Variants in ARMH3 observed in about 807,000 individuals in gnomAD.
The protein encoded by ARMH3 is armadillo like helical domain containing 3.
Under a neutral mutation model 99.1 loss-of-function variants are expected in ARMH3, and 60 were observed. That is an observed-to-expected ratio of 0.61 (90% CI 0.49 to 0.75). The LOEUF (loss-of-function observed/expected upper bound fraction) is 0.75. Among genes scored for constraint, ARMH3 ranks in the 30% least tolerant of loss-of-function variants. The pLI, the probability that ARMH3 is intolerant of heterozygous loss-of-function variation, is 0.00. For missense variants in ARMH3, 679 were observed against 843.1 expected (o/e 0.81, Z 2.41); for synonymous variants, 285 against 292.8 (o/e 0.97, Z 0.27).
chr10:102,043,123 A>C (rs1050625568), intron 1 of ARMH3, among the ~76,000 whole-genome samples: 2 of 152,204 alleles, frequency 1.3e-5, no homozygotes, highest in African/African-American at 4.8e-5. Context: ...GCAGCAGATC[A>C]GTAATGTGAG....
At chr10:101,981,047 T>C (rs1391000632) in intron 19 of ARMH3, among the ~76,000 whole-genome samples, 1 of 142,412 alleles carries the variant, frequency 7.0e-6, no homozygotes. Flanking sequence ...CAACACACAC[T>C]AGGGCCTGTT....
Position 101,847,629 on chromosome 10 carries a change from G to A in ARMH3, c.1978-9C>T. Reference sequence around the variant, plus strand: ...GTGCTAATGGATCGAACCTGGGAAAGGGTAGTTGGGGAAGGTGGGAGGGCG... The same window carrying A: ...GTGCTAATGGATCGAACCTGGGAAAAGGTAGTTGGGGAAGGTGGGAGGGCG... On this transcript the variant is annotated splice_polypyrimidine_tract_variant and intron_variant, in intron 25 of 25. Transcript: ENST00000370033. 1.2e-6 allele frequency: 2 copies of A among 1,613,802 alleles called. No homozygotes were observed. Among genetic ancestry groups the A allele is most frequent in the African/African-American group, 2.7e-5 (2 of 75,038 alleles).
intron 14 of ARMH3, 80 bp downstream of exon 14, chr10:102,006,460 C>A: frequency 6.8e-7 from 1 of 1,477,624 alleles, no homozygotes; most frequent in Non-Finnish European, 9.4e-7. Flanking sequence ...TACGTAGGTT[C>A]TTTGTTGAAC....
At chr10:102,002,191 A>G in intron 14 of ARMH3, 119 bp from the exon 15 acceptor site, 1 of 1,444,596 alleles carries the variant, frequency 6.9e-7, no homozygotes, top group Middle Eastern at 1.8e-4. Flanking sequence ...TCCACAACAG[A>G]GGGAGGACCA....
chr10:101,961,033 A>G (rs1196707767), intron 20 of ARMH3, among the ~76,000 whole-genome samples: 2 of 152,116 alleles, frequency 1.3e-5, no homozygotes, highest in Admixed American at 6.5e-5. Context: ...ACTCTGGTTT[A>G]TAACTTTCTC....
Position 102,033,116 on chromosome 10 carries a change from C to T in ARMH3, c.216G>A (p.Met72Ile), listed in dbSNP as rs757213606. The T allele has an allele frequency of 1.2e-6, 2 of 1,614,110 alleles. No homozygotes were observed. Among genetic ancestry groups the T allele is most frequent in the African/African-American group, 2.7e-5 (2 of 74,938 alleles). Residue 72 changes from methionine (M) to isoleucine (I), a missense_variant, in exon 4 of 26, where the codon ATG (methionine) becomes ATA (isoleucine). This residue lies in a region of ARMH3 where 280 missense variants were observed against 354.6 expected (regional missense o/e 0.79). Transcript: ENST00000370033. ...KLESLDGEEL[M>I]KIKDNINCLF... ...AGCAATTAATATTGTCCTTGATCTT[C>T]ATTAACTCCTCACCATCAAGAGATT...
intron 24 of ARMH3, among the ~76,000 whole-genome samples, chr10:101,882,876 G>A (rs2067452677): frequency 6.6e-6 from 1 of 152,132 alleles, no homozygotes; most frequent in Non-Finnish European, 1.5e-5. Flanking sequence ...ACCAGTTGAG[G>A]ATCTTAGGAA....
intron 20 of ARMH3, among the ~76,000 whole-genome samples, chr10:101,966,770 G>A (rs185597519): frequency 5.1e-4 from 78 of 152,278 alleles, no homozygotes; most frequent in African/African-American, 1.4e-3. Context: ...CCATGTAGCA[G>A]TAGAATGAAT....
At chr10:101,918,242 C>CG (rs1843162347) in intron 23 of ARMH3, among the ~76,000 whole-genome samples, 1 of 152,080 alleles carries the variant, frequency 6.6e-6, no homozygotes, top group Non-Finnish European at 1.5e-5. Context: ...TTAGTAGAGA[C>CG]GGGGTTTCAC....
chr10:102,045,041 C>G (rs2067512971), intron 1 of ARMH3, among the ~76,000 whole-genome samples: 2 of 145,366 alleles, frequency 1.4e-5, no homozygotes, highest in African/African-American at 5.1e-5. Context: ...GACGCTGAAA[C>G]AGGAGGATGT....
chr10:101,992,046 C>T lies in ARMH3; in HGVS notation c.1276-8G>A. 6.2e-7 allele frequency: 1 copy of T among 1,613,502 alleles called. No individual in the cohort carries two copies. The highest frequency in any genetic ancestry group is 1.3e-5 in the African/African-American group (1 of 74,992). ...CTTCCTGTGTCTCATAGGCTTCACA[C>T]CAAAAAAATGAAGAAAGGAAATTAG... On this transcript the variant is annotated splice_polypyrimidine_tract_variant and splice_region_variant and intron_variant, in intron 17 of 25. Coordinates refer to ENST00000370033, the MANE Select transcript of ARMH3 (RefSeq NM_024541.3).
intron 20 of ARMH3, among the ~76,000 whole-genome samples, chr10:101,959,501 C>T (rs1419566865): frequency 1.3e-5 from 2 of 152,204 alleles, no homozygotes; most frequent in Admixed American, 6.5e-5. Flanking sequence ...TCAACAAGGG[C>T]TTTTGTCCCC....
chr10:101,957,049 G>A (rs1845072461), intron 21 of ARMH3, among the ~76,000 whole-genome samples: 1 of 152,170 alleles, frequency 6.6e-6, no homozygotes, highest in African/African-American at 2.4e-5. Flanking sequence ...GTGTGCTACT[G>A]CACATTGCTT....
intron 22 of ARMH3, among the ~76,000 whole-genome samples, chr10:101,954,873 T>A (rs558864749): frequency 6.6e-6 from 1 of 152,336 alleles, no homozygotes; most frequent in South Asian, 2.1e-4. Flanking sequence ...TCTTCTCTTA[T>A]CTTGTTGCTG....
intron 24 of ARMH3, among the ~76,000 whole-genome samples, chr10:101,871,375 T>C (rs1313194952): frequency 6.6e-6 from 1 of 152,122 alleles, no homozygotes; most frequent in Non-Finnish European, 1.5e-5. Context: ...TTCAAAAACA[T>C]TTAAAAAAAA....
At chr10:101,862,954 A>AG (rs1418410476) in intron 24 of ARMH3, among the ~76,000 whole-genome samples, 1 of 152,246 alleles carries the variant, frequency 6.6e-6, no homozygotes, top group East Asian at 1.9e-4. Flanking sequence ...CTGTAATCCC[A>AG]GCACTTTGGG....
intron 2 of ARMH3, among the ~76,000 whole-genome samples, chr10:102,035,083 A>G (rs2067219791): frequency 6.6e-6 from 1 of 151,970 alleles, no homozygotes; most frequent in South Asian, 2.1e-4. Flanking sequence ...CTGAAAATAC[A>G]AAAATAGCTG....
chr10:101,979,513 A>AGCT (rs1554881749), intron 19 of ARMH3, among the ~76,000 whole-genome samples: 2 of 151,988 alleles, frequency 1.3e-5, no homozygotes, highest in Non-Finnish European at 2.9e-5. Flanking sequence ...ACAGAAGAGT[A>AGCT]ACTACTACTG....
intron 24 of ARMH3, among the ~76,000 whole-genome samples, chr10:101,866,862 G>T (rs933094449): frequency 2.0e-5 from 3 of 152,042 alleles, no homozygotes; most frequent in Non-Finnish European, 4.4e-5. Context: ...ACACTATTAA[G>T]AAAATCACTG....
Sources: allele counts gnomAD v4.1 joint callset (sites outside exome capture counted in the v4.1 genomes callset), GRCh38; gene constraint gnomAD v4.1.1; regional missense constraint gnomAD v4.1.1; transcripts MANE v1.5; gene names NCBI Gene and HGNC (gene_info 2026-07-23, HGNC 2026-07-21).